Variants in MRPL14 observed in about 807,000 individuals in gnomAD.
The protein encoded by MRPL14 is mitochondrial ribosomal protein L14.
MRPL14 carries 8 observed loss-of-function variants against 10.9 expected under a neutral mutation model. That is an observed-to-expected ratio of 0.74 (90% confidence interval 0.43 to 1.33). The LOEUF is 1.33. MRPL14 is among the 40% of genes most tolerant of loss of function. MRPL14 has a pLI of 0.01. For missense variants in MRPL14, 179 were observed against 194.5 expected (o/e 0.92, Z 0.47); for synonymous variants, 82 against 74.1 (o/e 1.11, Z -0.54).
intron 2 of MRPL14, among the ~76,000 whole-genome samples, chr6:44,115,894 A>T (rs1775798723): frequency 6.6e-6 from 1 of 152,172 alleles, no homozygotes; most frequent in African/African-American, 2.4e-5. Context: ...CTTCCAAAGC[A>T]CTGTACAATC....
chr6:44,121,623 A>C (rs1776422011), intron 1 of MRPL14, among the ~76,000 whole-genome samples: 1 of 152,208 alleles, frequency 6.6e-6, no homozygotes, highest in Non-Finnish European at 1.5e-5. Flanking sequence ...CCTACAGCTT[A>C]GTGACTCTCT....
Position 44,116,603 on chromosome 6 carries a change from G to T in MRPL14, c.9C>A (p.Phe3Leu). ...TGAAGGGGCCCCAGAGCCCAGTAAA[G>T]AAAGCCATGGGATCCCAAGATAGAT... is the stretch of plus-strand genomic sequence containing the variant. The part of the protein sequence containing the change: MA[F>L]FTGLWGPFTC... Residue 3 changes from phenylalanine (F) to leucine (L), a missense_variant, in exon 2 of 3, where the codon TTC becomes TTA. Coordinates refer to ENST00000372014, the MANE Select transcript of MRPL14 (RefSeq NM_032111.4). 1.2e-6 allele frequency: 2 copies of T among 1,614,178 alleles called. No individual in the cohort carries two copies. Among genetic ancestry groups the T allele is most frequent in the South Asian group, 1.1e-5 (1 of 91,088 alleles).
intron 1 of MRPL14, among the ~76,000 whole-genome samples, chr6:44,122,790 C>G (rs73733834): frequency 6.6e-6 from 1 of 152,048 alleles, no homozygotes; most frequent in African/African-American, 2.4e-5. Flanking sequence ...ATATAAATGT[C>G]CTTCTTAATC....
intron 2 of MRPL14, among the ~76,000 whole-genome samples, chr6:44,114,474 A>G (rs1166292016): frequency 6.6e-6 from 1 of 152,214 alleles, no homozygotes; most frequent in Non-Finnish European, 1.5e-5. Context: ...TTCTGTGACA[A>G]TGAACTTCAC....
chr6:44,121,526 A>G (rs1370597461), intron 1 of MRPL14, among the ~76,000 whole-genome samples: 1 of 152,250 alleles, frequency 6.6e-6, no homozygotes, highest in Admixed American at 6.5e-5. Flanking sequence ...TACAGATCCC[A>G]TTGGAATGTA....
rs754014956 is a variant in MRPL14, at chr6:44,114,047, C to G, written c.234G>C (p.Lys78Asn). ...KVGDQILLAI[K>N]GQKKKALIVG... Reference sequence around the variant, plus strand: ...CAATGAGCGCCTTTTTCTTCTGTCCCTTGATGGCCAGTAGTATCTGGTCGC... The same window carrying G: ...CAATGAGCGCCTTTTTCTTCTGTCCGTTGATGGCCAGTAGTATCTGGTCGC... The change falls in exon 3 of 3, where the codon AAG (lysine) becomes AAC (asparagine). Residue 78 changes from lysine to asparagine, a missense_variant. Physicochemically the swap from Lys to Asn is moderately conservative, Grantham distance 94. Coordinates refer to ENST00000372014, the MANE Select transcript of MRPL14 (RefSeq NM_032111.4). The G allele has an allele frequency of 1.9e-6, 3 of 1,614,194 alleles. No individual in the cohort carries two copies. In the East Asian group the frequency reaches 6.7e-5, roughly 36 times the overall value.
chr6:44,124,070 G>A (rs1776701238), intron 1 of MRPL14, among the ~76,000 whole-genome samples: 2 of 152,160 alleles, frequency 1.3e-5, no homozygotes, highest in Non-Finnish European at 2.9e-5. Flanking sequence ...AGGAAAAACT[G>A]CACAAGTCAA....
chr6:44,116,599 TAAAG>T lies in MRPL14; in HGVS notation c.9_12del (p.Phe3LeufsTer11), dbSNP rs1413772634. 2 of 1,613,946 alleles carry T rather than the reference TAAAG, an allele frequency of 1.2e-6. No homozygotes were observed. The highest frequency in any genetic ancestry group is 1.7e-6 in the Non-Finnish European group (2 of 1,180,008). On this transcript the variant is annotated frameshift_variant, in exon 2 of 3. Transcript: ENST00000372014. LOFTEE classifies it high-confidence loss of function. ...CAGGTGAAGGGGCCCCAGAGCCCAG[TAAAG>T]AAAGCCATGGGATCCCAAGATAGAT... is the stretch of plus-strand genomic sequence containing the variant.
chr6:44,114,069 T>C lies in MRPL14; in HGVS notation c.212A>G (p.Asp71Gly), dbSNP rs1775595990. The C allele has an allele frequency of 6.2e-7, 1 of 1,614,170 alleles. No homozygotes were observed. Among genetic ancestry groups the C allele is most frequent in the Non-Finnish European group, 8.5e-7 (1 of 1,180,030 alleles). Residue 71 changes from aspartate (D) to glycine (G), a missense_variant, in exon 3 of 3, where the codon GAC becomes GGC. Transcript: ENST00000372014. ...YKKNGVGKVG[D>G]QILLAIKGQK... ...TCCCTTGATGGCCAGTAGTATCTGGTCGCCCACCTTGCCCACTCCATTCTT... is the reference window on the plus strand; with the variant it reads ...TCCCTTGATGGCCAGTAGTATCTGGCCGCCCACCTTGCCCACTCCATTCTT...
intron 1 of MRPL14, among the ~76,000 whole-genome samples, chr6:44,122,175 C>T (rs9462962): frequency 0.065 from 9,939 of 151,922 alleles, 527 homozygotes; most frequent in East Asian, 0.22. Flanking sequence ...CTCTGCCTCC[C>T]GGGTTCACAC....
At chr6:44,122,382 CAG>C (rs1288211981) in intron 1 of MRPL14, among the ~76,000 whole-genome samples, 1 of 152,192 alleles carries the variant, frequency 6.6e-6, no homozygotes, top group Non-Finnish European at 1.5e-5. Context: ...CGCGCCCTGC[CAG>C]AGAGCTCATT....
intron 1 of MRPL14, among the ~76,000 whole-genome samples, chr6:44,121,622 T>TA (rs1350039235): frequency 1.3e-5 from 2 of 152,212 alleles, no homozygotes; most frequent in Non-Finnish European, 2.9e-5. Flanking sequence ...ACCTACAGCT[T>TA]AGTGACTCTC....
At chr6:44,118,872 G>A (rs1340204463) in intron 1 of MRPL14, among the ~76,000 whole-genome samples, 2 of 152,212 alleles carry the variant, frequency 1.3e-5, no homozygotes, top group Non-Finnish European at 2.9e-5. Context: ...GCTGAGGCAG[G>A]AGAATCGCTT....
chr6:44,123,569 T>C (rs1230754852), intron 1 of MRPL14, among the ~76,000 whole-genome samples: 1 of 152,224 alleles, frequency 6.6e-6, no homozygotes, highest in African/African-American at 2.4e-5. Context: ...ATAAGTAAAG[T>C]ATCCCTCAAT....
chr6:44,116,435 G>T, intron 2 of MRPL14, 106 bp downstream of exon 2: 1 of 1,149,394 alleles, frequency 8.7e-7, no homozygotes, highest in Non-Finnish European at 1.3e-6. Context: ...CCAACCCCAT[G>T]CCCACCTCCC....
intron 2 of MRPL14, among the ~76,000 whole-genome samples, chr6:44,114,731 C>G (rs1182457188): frequency 6.6e-6 from 1 of 152,230 alleles, no homozygotes; most frequent in East Asian, 1.9e-4. Flanking sequence ...GCCTCAGCCT[C>G]CCAAGTAGCT....
chr6:44,120,226 T>C (rs1776265756), intron 1 of MRPL14, among the ~76,000 whole-genome samples: 1 of 152,218 alleles, frequency 6.6e-6, no homozygotes, highest in Non-Finnish European at 1.5e-5. Flanking sequence ...GGGACATCCT[T>C]GTGCCAGTGC....
chr6:44,115,882 G>A (rs921538904), intron 2 of MRPL14, among the ~76,000 whole-genome samples: 3 of 152,218 alleles, frequency 2.0e-5, no homozygotes, highest in African/African-American at 4.8e-5. Flanking sequence ...CCTATATGAC[G>A]CCTTCCAAAG....
chr6:44,117,575 C>T (rs931307157), intron 1 of MRPL14, among the ~76,000 whole-genome samples: 2 of 152,190 alleles, frequency 1.3e-5, no homozygotes, highest in African/African-American at 4.8e-5. Context: ...TGCACAAGTT[C>T]AAACCACCTC....
Sources: allele counts gnomAD v4.1 joint callset (sites outside exome capture counted in the v4.1 genomes callset), GRCh38; gene constraint gnomAD v4.1.1; transcripts MANE v1.5; gene names NCBI Gene and HGNC (gene_info 2026-07-23, HGNC 2026-07-21).